IFT80: variants seen among roughly 807,000 people sequenced by gnomAD.
IFT80 encodes the protein intraflagellar transport 80, also known as intraflagellar transport protein 80 homolog.
A neutral mutation model predicts 107.9 loss-of-function variants in IFT80; 79 were observed. The observed-to-expected ratio is 0.73, with a 90% CI of 0.61 to 0.88. The LOEUF (loss-of-function observed/expected upper bound fraction) is 0.88. Among genes scored for constraint, IFT80 ranks in the 40% least tolerant of loss-of-function variants. IFT80 has a pLI of 0.00. For missense variants in IFT80, 797 were observed against 914.2 expected, an observed-to-expected ratio of 0.87 and a Z score of 1.65; for synonymous variants, 299 against 300.9, an observed-to-expected ratio of 0.99 and a Z score of 0.07.
intron 8 of IFT80, 164 bp from the exon 9 acceptor site, chr3:160,320,103 A>C: frequency 1.6e-6 from 1 of 609,408 alleles, no homozygotes; most frequent in East Asian, 2.8e-5. Flanking sequence ...TGGAAAATAC[A>C]GATGTAATTG....
At chr3:160,307,259 AG>A (rs1395005715) in intron 10 of IFT80, among the ~76,000 whole-genome samples, 2 of 152,132 alleles carry the variant, frequency 1.3e-5, no homozygotes, top group Non-Finnish European at 2.9e-5. Context: ...GCAATCCTCT[AG>A]TACCAGCCTC....
chr3:160,377,715 AT>A, intron 3 of IFT80, 175 bp from the exon 4 acceptor site: 1 of 468,566 alleles, frequency 2.1e-6, no homozygotes, highest in Non-Finnish European at 3.8e-6. Flanking sequence ...TTATTTAAAT[AT>A]TTTAAAATAA....
intron 19 of IFT80, among the ~76,000 whole-genome samples, chr3:160,264,667 T>TA (rs1447074768): frequency 2.0e-5 from 3 of 151,330 alleles, no homozygotes; most frequent in African/African-American, 7.3e-5. Context: ...TCCAAACTCT[T>TA]AGACTCAAGT....
At chr3:160,315,170 C>G (rs1413166329) in intron 9 of IFT80, among the ~76,000 whole-genome samples, 1 of 151,676 alleles carries the variant, frequency 6.6e-6, no homozygotes, top group Admixed American at 6.6e-5. Context: ...CTCACTGAAT[C>G]CACATGTTGC....
Position 160,258,363 on chromosome 3 carries a change from T to G in IFT80, c.*162A>C. The G allele has an allele frequency of 1.2e-6, 1 of 828,828 alleles. No homozygotes were observed. Among genetic ancestry groups the G allele is most frequent in the Admixed American group, 2.6e-5 (1 of 38,094 alleles). 51.3% of individuals were successfully genotyped at this position (828,828 alleles called of 1,614,324 possible). On this transcript the variant is annotated 3_prime_UTR_variant, in exon 20 of 20. Transcript: ENST00000326448. ...AAAAGATAGAAATACATCAATTACT[T>G]TGTGTTTCATCTTTCTGCATGTACT...
At chr3:160,395,700 C>A (rs534193825) in intron 1 of IFT80, among the ~76,000 whole-genome samples, 1 of 152,324 alleles carries the variant, frequency 6.6e-6, no homozygotes, top group South Asian at 2.1e-4. Flanking sequence ...TAGAGGCCAT[C>A]ATACGGAACC....
intron 18 of IFT80, among the ~76,000 whole-genome samples, chr3:160,276,454 T>TTA (rs1490686707): frequency 6.6e-6 from 1 of 152,136 alleles, no homozygotes; most frequent in African/African-American, 2.4e-5. Flanking sequence ...GATACAGGGG[T>TTA]TATTTTTCAG....
At chr3:160,302,090 T>A (rs1007220360) in intron 11 of IFT80, among the ~76,000 whole-genome samples, 13 of 152,070 alleles carry the variant, frequency 8.5e-5, no homozygotes, top group Admixed American at 4.6e-4. Context: ...ATACTATGGC[T>A]ATATTGGTGT....
chr3:160,321,674 A>G (rs941293624), intron 8 of IFT80, among the ~76,000 whole-genome samples: 2 of 152,078 alleles, frequency 1.3e-5, no homozygotes, highest in South Asian at 4.1e-4. Context: ...ATAAAAATAT[A>G]CCATAGTAAA....
intron 12 of IFT80, among the ~76,000 whole-genome samples, chr3:160,297,000 C>T (rs1375138809): frequency 1.3e-5 from 2 of 152,022 alleles, no homozygotes; most frequent in Admixed American, 1.3e-4. Flanking sequence ...AAATACTTTC[C>T]CCTGTATCAT....
At chr3:160,387,129 A>G (rs1712996395) in intron 1 of IFT80, among the ~76,000 whole-genome samples, 1 of 152,262 alleles carries the variant, frequency 6.6e-6, no homozygotes, top group African/African-American at 2.4e-5. Flanking sequence ...GGAAGGCAAC[A>G]GTACAAGTAG....
chr3:160,380,036 C>CT (rs11325261), intron 3 of IFT80, among the ~76,000 whole-genome samples: 3,873 of 134,156 alleles, frequency 0.029, 72 homozygotes, highest in Non-Finnish European at 0.043. Flanking sequence ...GTCTTTTTTT[C>CT]TTTTTTTTTT....
At chr3:160,387,349 C>T (rs538951533) in intron 1 of IFT80, among the ~76,000 whole-genome samples, 72 of 151,988 alleles carry the variant, frequency 4.7e-4, no homozygotes, top group Non-Finnish European at 4.0e-4. Context: ...ATTAAAAATA[C>T]AAAAATTAGC....
In IFT80 at chr3:160,342,147, A is replaced by G. The variant is rs547410093; in HGVS notation, c.777+13866T>C. ...GTCCGATGCCCATGGAAAAGGTATC[A>G]TAGAATCGTGGAGTTGAAAAGAGAG... On this transcript the variant is annotated intron_variant, in intron 8 of 19. Transcript: ENST00000326448. Among the ~76,000 whole-genome samples, 6 of 152,286 alleles carry G rather than the reference A, an allele frequency of 3.9e-5. No homozygotes were observed. In the South Asian group the frequency reaches 1.0e-3, roughly 26 times the overall value.
At chr3:160,382,045 T>G (rs1712559307) in intron 2 of IFT80, among the ~76,000 whole-genome samples, 1 of 151,874 alleles carries the variant, frequency 6.6e-6, no homozygotes, top group African/African-American at 2.4e-5. Context: ...AGAGACTTAG[T>G]AGATCAAAAG....
intron 8 of IFT80, among the ~76,000 whole-genome samples, chr3:160,349,581 A>G (rs1316431337): frequency 6.6e-6 from 1 of 152,334 alleles, no homozygotes; most frequent in African/African-American, 2.4e-5. Context: ...AGATTCTTAT[A>G]TATCTGATAT....
At chr3:160,370,999 G>A (rs911606143) in intron 5 of IFT80, among the ~76,000 whole-genome samples, 2 of 152,094 alleles carry the variant, frequency 1.3e-5, no homozygotes, top group African/African-American at 4.8e-5. Context: ...CTAAAAGATT[G>A]GCATTATCTT....
intron 18 of IFT80, among the ~76,000 whole-genome samples, chr3:160,273,366 A>G (rs1713978031): frequency 6.6e-6 from 1 of 151,868 alleles, no homozygotes; most frequent in African/African-American, 2.4e-5. Flanking sequence ...ATGACTGCAG[A>G]GTGAAGAATG....
intron 12 of IFT80, among the ~76,000 whole-genome samples, chr3:160,296,526 T>C (rs1039515518): frequency 6.6e-6 from 1 of 151,652 alleles, no homozygotes; most frequent in African/African-American, 2.4e-5. Context: ...ACCTTTACTC[T>C]GGTTCATTCT....
Sources: allele counts gnomAD v4.1 joint callset (sites outside exome capture counted in the v4.1 genomes callset), GRCh38; gene constraint gnomAD v4.1.1; transcripts MANE v1.5; gene names NCBI Gene and HGNC (gene_info 2026-07-23, HGNC 2026-07-21).